Variants in ADGB observed in about 807,000 individuals in gnomAD.
The protein encoded by ADGB is androglobin.
ADGB carries 172 observed loss-of-function variants against 210.5 expected under a neutral mutation model. The observed-to-expected ratio is 0.82, with a 90% CI of 0.72 to 0.93. The LOEUF is 0.93. Among genes scored for constraint, ADGB ranks in the 40% least tolerant of loss-of-function variants. The pLI is 0.00. For synonymous variants in ADGB, 658 were observed against 662.7 expected, an observed-to-expected ratio of 0.99 and a Z score of 0.11; for missense variants, 2,025 against 1,964.8, an observed-to-expected ratio of 1.03 and a Z score of -0.58.
Position 146,736,597 on chromosome 6 carries a change from G to C in ADGB, c.2888+6G>C, listed in dbSNP as rs770559024. The C allele has an allele frequency of 4.5e-5, 69 of 1,520,632 alleles. No individual in the cohort carries two copies. The highest frequency in any genetic ancestry group is 5.7e-5 in the Non-Finnish European group (64 of 1,128,546). The allele number at this position is 1,520,632 out of a possible 1,614,324, so 94.2% of individuals were successfully genotyped here. Reference sequence around the variant, plus strand: ...TATGCAGTTTCTCTCTTAAGGTAAAGCAGTCAAATGATATTTTTATTGCAG... The same window carrying C: ...TATGCAGTTTCTCTCTTAAGGTAAACCAGTCAAATGATATTTTTATTGCAG... On this transcript the variant is annotated splice_donor_region_variant and intron_variant, in intron 23 of 35. Transcript: ENST00000397944.
intron 29 of ADGB, among the ~76,000 whole-genome samples, chr6:146,781,253 C>T (rs1036889765): frequency 6.8e-6 from 1 of 147,738 alleles, no homozygotes; most frequent in African/African-American, 2.5e-5. Context: ...TGAGGCAGGA[C>T]AATGGCGTGA....
At chr6:146,790,852 G>A (rs890978200) in intron 33 of ADGB, among the ~76,000 whole-genome samples, 1 of 152,044 alleles carries the variant, frequency 6.6e-6, no homozygotes, top group Non-Finnish European at 1.5e-5. Flanking sequence ...ACCAATGCTT[G>A]TTATCTCTCA....
chr6:146,665,046 G>T (rs2114894973), intron 6 of ADGB, among the ~76,000 whole-genome samples: 1 of 152,102 alleles, frequency 6.6e-6, no homozygotes, highest in Middle Eastern at 3.4e-3. Context: ...TTGCCTCATT[G>T]CTCACTGGAA....
At chr6:146,668,609 G>A (rs1775967362) in intron 7 of ADGB, among the ~76,000 whole-genome samples, 1 of 152,008 alleles carries the variant, frequency 6.6e-6, no homozygotes, top group African/African-American at 2.4e-5. Context: ...AAAGTATGGA[G>A]CTCTATAAAT....
chr6:146,681,877 C>T (rs1776163334), intron 9 of ADGB, among the ~76,000 whole-genome samples: 1 of 151,958 alleles, frequency 6.6e-6, no homozygotes, highest in Non-Finnish European at 1.5e-5. Context: ...CCAGAAAGAC[C>T]AGGGACTACT....
chr6:146,629,262 C>T (rs746803058), intron 1 of ADGB, among the ~76,000 whole-genome samples: 9 of 152,128 alleles, frequency 5.9e-5, no homozygotes, highest in Non-Finnish European at 1.3e-4. Flanking sequence ...TCAAAGGCAA[C>T]GGTGCTGAGA....
intron 29 of ADGB, among the ~76,000 whole-genome samples, chr6:146,781,171 C>CAAAAAAAAAAAA (rs71031009): frequency 1.5e-4 from 14 of 90,876 alleles, no homozygotes; most frequent in East Asian, 3.3e-4. Flanking sequence ...ACTAAAAATA[C>CAAAAAAAAAAAA]AAAAAAAAAA....
At chr6:146,616,858 T>C (rs994522487) in intron 1 of ADGB, among the ~76,000 whole-genome samples, 2 of 152,170 alleles carry the variant, frequency 1.3e-5, no homozygotes. Flanking sequence ...TTTTGTAATC[T>C]ATTTTGAAGT....
intron 23 of ADGB, among the ~76,000 whole-genome samples, chr6:146,737,940 AT>A (rs1777104314): frequency 6.6e-6 from 1 of 152,012 alleles, no homozygotes; most frequent in Non-Finnish European, 1.5e-5. Context: ...CTACATACAC[AT>A]TTCTTGGACA....
chr6:146,789,059 C>T (rs998826754), intron 33 of ADGB, among the ~76,000 whole-genome samples: 1 of 152,158 alleles, frequency 6.6e-6, no homozygotes, highest in Non-Finnish European at 1.5e-5. Context: ...GTCACCCTGA[C>T]CTGATTCATT....
At chr6:146,765,150 A>G (rs1777553640) in intron 28 of ADGB, among the ~76,000 whole-genome samples, 1 of 152,132 alleles carries the variant, frequency 6.6e-6, no homozygotes, top group South Asian at 2.1e-4. Context: ...AAAAGGTAGA[A>G]TAAATCAAGT....
At chr6:146,797,379 G>A (rs983091484) in intron 33 of ADGB, among the ~76,000 whole-genome samples, 6 of 152,034 alleles carry the variant, frequency 3.9e-5, no homozygotes, top group African/African-American at 1.4e-4. Flanking sequence ...GTCACTATAT[G>A]AAAAAGACAC....
At chr6:146,758,258 T>G (rs1583625226) in intron 27 of ADGB, among the ~76,000 whole-genome samples, 1 of 152,128 alleles carries the variant, frequency 6.6e-6, no homozygotes, top group Non-Finnish European at 1.5e-5. Flanking sequence ...AAAATGGCTG[T>G]TTTCTTTATT....
At chr6:146,637,385 A>T (rs756508379) in intron 2 of ADGB, among the ~76,000 whole-genome samples, 1 of 152,006 alleles carries the variant, frequency 6.6e-6, no homozygotes, top group African/African-American at 2.4e-5. Flanking sequence ...AAAATTTTGC[A>T]TATAATTTTA....
chr6:146,625,017 G>T (rs1466590857), intron 1 of ADGB, among the ~76,000 whole-genome samples: 1 of 151,912 alleles, frequency 6.6e-6, no homozygotes, highest in Non-Finnish European at 1.5e-5. Context: ...TATGCTATGT[G>T]CACTTGAAAA....
rs1377141672 is a variant in ADGB at position 146,736,529 on chromosome 6, T to C, written c.2826T>C (p.Thr942=). The change falls in exon 23 of 36, where the codon ACT becomes ACC. Residue 942 remains threonine (T), a synonymous_variant. Coordinates refer to ENST00000397944, the MANE Select transcript of ADGB (RefSeq NM_024694.4). ...DTKENISVAD[T]LQKVWAVLEM... is the part of the protein sequence containing the mutation. ...AAGAAAATATCAGTGTTGCAGATACTCTTCAAAAAGTTTGGGCTGTATTGG... is the reference window on the plus strand; with the variant it reads ...AAGAAAATATCAGTGTTGCAGATACCCTTCAAAAAGTTTGGGCTGTATTGG... The C allele has an allele frequency of 1.3e-5, 20 of 1,548,666 alleles. No homozygotes were observed. The highest frequency in any genetic ancestry group is 1.7e-5 in the Non-Finnish European group (19 of 1,145,428).
At chr6:146,804,367 T>C (rs9497636) in intron 35 of ADGB, among the ~76,000 whole-genome samples, 3,080 of 152,268 alleles carry the variant, frequency 0.02, 65 homozygotes, top group African/African-American at 0.05. Context: ...GCTCATGTGA[T>C]GAATGTGCCT....
At chr6:146,786,440 A>G (rs1262625567) in intron 32 of ADGB, among the ~76,000 whole-genome samples, 2 of 152,074 alleles carry the variant, frequency 1.3e-5, no homozygotes, top group Non-Finnish European at 2.9e-5. Flanking sequence ...TTGTATATTC[A>G]GGAATGTAAT....
chr6:146,746,069 C>A lies in ADGB; in HGVS notation c.3325C>A (p.Arg1109=). Residue 1109 remains arginine, a synonymous_variant, in exon 26 of 36, where the codon CGA becomes AGA. Transcript: ENST00000397944. The part of the protein sequence containing the change: ...PCNSFAIKEI[R]DYYIPNDKKI... ...CAATTCCTTTGCCATAAAGGAAATC[C>A]GAGATTACTACATACCCAATGATAA... 1 of 1,550,284 alleles carries A rather than the reference C, an allele frequency of 6.5e-7. No homozygotes were observed. Among genetic ancestry groups the A allele is most frequent in the Non-Finnish European group, 8.7e-7 (1 of 1,146,154 alleles).
Sources: allele counts gnomAD v4.1 joint callset (sites outside exome capture counted in the v4.1 genomes callset), GRCh38; gene constraint gnomAD v4.1.1; transcripts MANE v1.5; gene names NCBI Gene and HGNC (gene_info 2026-07-23, HGNC 2026-07-21).